Variants in PRTG observed in about 807,000 individuals in gnomAD.
PRTG encodes protogenin, also known as immunoglobulin superfamily, DCC subclass, member 5.
Under a neutral mutation model 122.5 loss-of-function variants are expected in PRTG, and 67 were observed. The observed-to-expected ratio is 0.55, with a 90% confidence interval of 0.45 to 0.67. The LOEUF (loss-of-function observed/expected upper bound fraction) is 0.67. Ranked by LOEUF, PRTG falls within the 30% of genes least tolerant of loss-of-function variation. The pLI, the probability that PRTG is intolerant of heterozygous loss-of-function variation, is 0.00. For synonymous variants in PRTG, 554 were observed against 501.1 expected, an observed-to-expected ratio of 1.11 and a Z score of -1.41; for missense variants, 1,435 against 1,415.4, an observed-to-expected ratio of 1.01 and a Z score of -0.22.
chr15:55,620,230 G>C lies in PRTG; in HGVS notation c.3235C>G (p.Gln1079Glu), dbSNP rs1218966267. 1.2e-6 allele frequency: 2 copies of C among 1,614,018 alleles called. No homozygotes were observed. The highest frequency in any genetic ancestry group is 1.3e-5 in the African/African-American group (1 of 74,904). The change falls in exon 20 of 20, where the codon CAG (glutamine) becomes GAG (glutamate). Residue 1079 changes from glutamine (Q) to glutamate (E), a missense_variant. Coordinates refer to ENST00000389286, the MANE Select transcript of PRTG (RefSeq NM_173814.6). The stretch of plus-strand genomic sequence containing the variant: ...CTGATTAATACAGTGGTGCCTGGCT[G>C]GTAAAAGCAGACCGCTGGAGTAAAT... ...RRFTPAVCFYQPGTTVLISDE... is the reference protein window; with the variant it reads ...RRFTPAVCFYEPGTTVLISDE...
At chr15:55,624,990 A>C (rs981933289) in intron 17 of PRTG, among the ~76,000 whole-genome samples, 6 of 152,218 alleles carry the variant, frequency 3.9e-5, no homozygotes, top group African/African-American at 1.4e-4. Context: ...ACACACAAAA[A>C]TGTTAGAACT....
At chr15:55,657,215 C>T (rs1474554306) in intron 11 of PRTG, among the ~76,000 whole-genome samples, 4 of 152,118 alleles carry the variant, frequency 2.6e-5, no homozygotes, top group South Asian at 2.1e-4. Context: ...TGTCTCCTTA[C>T]TTCTTAAGGT....
At chr15:55,688,849 C>T (rs1399616998) in intron 2 of PRTG, among the ~76,000 whole-genome samples, 2 of 152,034 alleles carry the variant, frequency 1.3e-5, no homozygotes, top group South Asian at 2.1e-4. Flanking sequence ...AGAAACAAAA[C>T]AAAACAAAGG....
chr15:55,627,458 G>A (rs1281248744), intron 16 of PRTG, among the ~76,000 whole-genome samples: 1 of 150,880 alleles, frequency 6.6e-6, no homozygotes, highest in Non-Finnish European at 1.5e-5. Flanking sequence ...CGAGTAGCTG[G>A]GACTACAGGC....
In PRTG at chr15:55,740,614, T is replaced by C; in HGVS notation, c.165A>G (p.Pro55=). Residue 55 remains proline (P), a synonymous_variant, in exon 2 of 20, where the codon CCA becomes CCG. Coordinates refer to ENST00000389286, the MANE Select transcript of PRTG (RefSeq NM_173814.6). ...PQDVTVTRKD[P]VVLDCQAHGE... ...CGTGAGCCTGGCAATCTAAAACGACTGGGTCCTTTCTTGTGACAGTTACAT... is the reference window on the plus strand; with the variant it reads ...CGTGAGCCTGGCAATCTAAAACGACCGGGTCCTTTCTTGTGACAGTTACAT... 1 of 1,614,136 alleles carries C rather than the reference T, an allele frequency of 6.2e-7. No individual in the cohort carries two copies. The highest frequency in any genetic ancestry group is 8.5e-7 in the Non-Finnish European group (1 of 1,180,004).
intron 11 of PRTG, among the ~76,000 whole-genome samples, chr15:55,666,232 G>A (rs920575335): frequency 2.6e-5 from 4 of 152,190 alleles, no homozygotes; most frequent in African/African-American, 7.2e-5. Context: ...ATCCTCACAT[G>A]GTAGAGAGCA....
intron 2 of PRTG, among the ~76,000 whole-genome samples, chr15:55,701,950 A>G (rs918405735): frequency 6.6e-6 from 1 of 152,186 alleles, no homozygotes; most frequent in African/African-American, 2.4e-5. Flanking sequence ...TTATGACTAT[A>G]TAGTACAGCC....
chr15:55,639,518 T>G lies in PRTG; in HGVS notation c.2324+124A>C, dbSNP rs115395965. 5.2e-3 allele frequency: 3,794 copies of G among 726,900 alleles called. 78 individuals carry two copies. Among genetic ancestry groups the G allele is most frequent in the African/African-American group, 0.047 (2,667 of 56,960 alleles). 45.0% of individuals were successfully genotyped at this position (726,900 alleles called of 1,614,324 possible). A position where few individuals can be genotyped will look rare whatever the true frequency, so the allele number is the denominator to read the frequency against. Reference sequence around the variant, plus strand: ...ACTCCTAGCCACTTCATAAATAACTTAAGTCCTGAAACAAATGCTTACAGG... The same window carrying G: ...ACTCCTAGCCACTTCATAAATAACTGAAGTCCTGAAACAAATGCTTACAGG... On this transcript the variant is annotated intron_variant, in intron 13 of 19. Coordinates refer to ENST00000389286, the MANE Select transcript of PRTG (RefSeq NM_173814.6).
chr15:55,736,299 C>A (rs1231740942), intron 2 of PRTG, among the ~76,000 whole-genome samples: 1 of 151,962 alleles, frequency 6.6e-6, no homozygotes, highest in Non-Finnish European at 1.5e-5. Context: ...TATTTCAGGT[C>A]CAGGATCATT....
intron 2 of PRTG, 109 bp from the exon 3 acceptor site, chr15:55,684,040 G>A: frequency 1.2e-6 from 1 of 843,036 alleles, no homozygotes; most frequent in Non-Finnish European, 1.8e-6. Context: ...TTGGATATAA[G>A]ACCAACCTAA....
chr15:55,636,288 C>T (rs2059257338), intron 15 of PRTG, among the ~76,000 whole-genome samples: 1 of 152,002 alleles, frequency 6.6e-6, no homozygotes, highest in African/African-American at 2.4e-5. Context: ...CTCTAATATT[C>T]ATACGGGTCA....
intron 2 of PRTG, among the ~76,000 whole-genome samples, chr15:55,694,924 C>T (rs1056648164): frequency 1.3e-5 from 2 of 152,100 alleles, no homozygotes; most frequent in African/African-American, 4.8e-5. Context: ...TAACGTAAAC[C>T]AAGAGCCCCA....
chr15:55,633,027 C>T (rs1282479253), intron 15 of PRTG, among the ~76,000 whole-genome samples: 1 of 152,110 alleles, frequency 6.6e-6, no homozygotes, highest in African/African-American at 2.4e-5. Flanking sequence ...GAATCTCTAA[C>T]AAGAGGAAAG....
chr15:55,680,053 C>T lies in PRTG; in HGVS notation c.973+1G>A. The stretch of plus-strand genomic sequence containing the variant: ...CTGATTGCAGAATGAAAGGAACATA[C>T]CTAATACAGTTAAAGTTGCCATAGC... On this transcript the variant is annotated splice_donor_variant, in intron 6 of 19. Coordinates refer to ENST00000389286, the MANE Select transcript of PRTG (RefSeq NM_173814.6). LOFTEE classifies it high-confidence loss of function. 6.2e-7 allele frequency: 1 copy of T among 1,612,876 alleles called. No homozygotes were observed. Among genetic ancestry groups the T allele is most frequent in the East Asian group, 2.2e-5 (1 of 44,842 alleles).
At chr15:55,627,152 C>G (rs772865233) in intron 16 of PRTG, 24 bp from the exon 17 acceptor site, 4 of 1,492,928 alleles carry the variant, frequency 2.7e-6, no homozygotes, top group Non-Finnish European at 3.6e-6. Flanking sequence ...CACATTTACT[C>G]AGAATCAATC....
intron 5 of PRTG, 55 bp from the exon 6 acceptor site, chr15:55,680,267 T>A: frequency 7.2e-7 from 1 of 1,393,404 alleles, no homozygotes; most frequent in Non-Finnish European, 1.0e-6. Flanking sequence ...CCTGAAATTA[T>A]GTCAAAAGAC....
intron 2 of PRTG, among the ~76,000 whole-genome samples, chr15:55,713,391 T>G (rs1253685791): frequency 3.9e-5 from 6 of 152,216 alleles, no homozygotes; most frequent in Non-Finnish European, 7.3e-5. Context: ...TGTTTCCAAC[T>G]TCCCTTTATT....
At chr15:55,717,840 G>A (rs141005657) in intron 2 of PRTG, among the ~76,000 whole-genome samples, 245 of 152,284 alleles carry the variant, frequency 1.6e-3, no homozygotes, top group African/African-American at 5.6e-3. Flanking sequence ...GACTCAGCCC[G>A]CCTGCACCCA....
intron 17 of PRTG, among the ~76,000 whole-genome samples, chr15:55,626,434 C>T (rs1380550924): frequency 7.0e-6 from 1 of 143,302 alleles, no homozygotes; most frequent in African/African-American, 2.6e-5. Flanking sequence ...GACACTAGTC[C>T]TCATTTAAGA....
Sources: gnomAD v4.1 joint callset for allele counts (sites outside exome capture counted in the v4.1 genomes callset) on GRCh38, gnomAD v4.1.1 for gene constraint, MANE v1.5 for transcripts, NCBI Gene and HGNC (gene_info 2026-07-23, HGNC 2026-07-21) for gene names.